Variants in IDE observed in about 807,000 individuals in gnomAD.
The protein encoded by IDE is insulin-degrading enzyme.
IDE carries 58 observed loss-of-function variants against 133.2 expected under a neutral mutation model. That is an observed-to-expected ratio of 0.44 (90% CI 0.35 to 0.54). IDE has a LOEUF of 0.54. Ranked by LOEUF, IDE falls within the 20% of genes least tolerant of loss-of-function variation. The probability of loss-of-function intolerance (pLI) is 0.00; values close to 1 mark genes in which losing one functional copy is unlikely to be tolerated. For synonymous variants in IDE, 396 were observed against 421.3 expected (o/e 0.94, Z 0.73); for missense variants, 981 against 1,234.0 (o/e 0.79, Z 3.07).
At chr10:92,497,792 G>C (rs1204504917) in intron 11 of IDE, 1 of 623,924 alleles carries the variant, frequency 1.6e-6, no homozygotes, top group Admixed American at 6.3e-5. Context: ...ATCCTGTAGA[G>C]GAAAAGTGCT....
At chr10:92,492,721 C>T (rs898690135) in intron 11 of IDE, among the ~76,000 whole-genome samples, 4 of 152,184 alleles carry the variant, frequency 2.6e-5, no homozygotes, top group African/African-American at 9.7e-5. Context: ...AAGCCTAGTA[C>T]TTGCAATCAA....
At chr10:92,529,895 C>T (rs1050490634) in intron 4 of IDE, among the ~76,000 whole-genome samples, 1 of 152,158 alleles carries the variant, frequency 6.6e-6, no homozygotes, top group Non-Finnish European at 1.5e-5. Context: ...AAAATAGCAG[C>T]ATTGTTTGTG....
intron 4 of IDE, among the ~76,000 whole-genome samples, chr10:92,526,322 A>G (rs1311645378): frequency 6.6e-6 from 1 of 152,144 alleles, no homozygotes; most frequent in Non-Finnish European, 1.5e-5. Context: ...TACAGATTCA[A>G]TGCAACCCCT....
intron 15 of IDE, among the ~76,000 whole-genome samples, chr10:92,478,219 T>A (rs1846387664): frequency 6.6e-6 from 1 of 152,208 alleles, no homozygotes; most frequent in Non-Finnish European, 1.5e-5. Context: ...AAATAAGTTT[T>A]AAATTAAAAT....
intron 1 of IDE, among the ~76,000 whole-genome samples, chr10:92,569,180 G>T (rs1471989205): frequency 6.6e-6 from 1 of 152,244 alleles, no homozygotes; most frequent in East Asian, 1.9e-4. Context: ...AATTGGGAAT[G>T]AATAGGTCAT....
intron 1 of IDE, among the ~76,000 whole-genome samples, chr10:92,546,187 A>T (rs977087634): frequency 6.6e-6 from 1 of 152,220 alleles, no homozygotes; most frequent in African/African-American, 2.4e-5. Flanking sequence ...AAAGCAGAAG[A>T]GCAAGTAAAA....
intron 11 of IDE, among the ~76,000 whole-genome samples, chr10:92,492,104 C>T (rs1196270060): frequency 2.0e-5 from 3 of 151,538 alleles, no homozygotes; most frequent in East Asian, 3.9e-4. Context: ...ACTAAAAATA[C>T]AAAAAATTAG....
intron 11 of IDE, among the ~76,000 whole-genome samples, chr10:92,490,909 A>G (rs1847303543): frequency 6.6e-6 from 1 of 152,230 alleles, no homozygotes; most frequent in African/African-American, 2.4e-5. Flanking sequence ...TAACAAGGTC[A>G]GTTAAAAACA....
chr10:92,522,767 G>A (rs752765294), intron 4 of IDE, among the ~76,000 whole-genome samples: 2 of 152,166 alleles, frequency 1.3e-5, no homozygotes, highest in Non-Finnish European at 2.9e-5. Context: ...ATCTACTCAT[G>A]TAAGATGGAA....
In IDE at chr10:92,570,998, T is replaced by A. The variant is rs1843755777; in HGVS notation, c.98+2924A>T. On this transcript the variant is annotated intron_variant, in intron 1 of 24. Coordinates refer to ENST00000265986, the MANE Select transcript of IDE (RefSeq NM_004969.4). ...TCCCCAACCCTAACTTCTTTTTTTT[T>A]AAGACACAGTCTCGCTCAGTCACCC... is the stretch of plus-strand genomic sequence containing the variant. Among the ~76,000 whole-genome samples, 3 of 151,538 alleles carry A rather than the reference T, an allele frequency of 2.0e-5. No homozygotes were observed. The South Asian group carries it at 6.3e-4, about 32-fold the overall frequency.
chr10:92,533,947 C>T (rs1449322528), intron 3 of IDE, among the ~76,000 whole-genome samples: 3 of 151,914 alleles, frequency 2.0e-5, no homozygotes, highest in Non-Finnish European at 4.4e-5. Flanking sequence ...TGCTTGAACC[C>T]GGAAGGCGAA....
chr10:92,505,611 G>A (rs1195310742), intron 10 of IDE, among the ~76,000 whole-genome samples: 1 of 152,140 alleles, frequency 6.6e-6, no homozygotes, highest in African/African-American at 2.4e-5. Flanking sequence ...ATATTGTAAT[G>A]TTAGTGAGAG....
At chr10:92,510,724 A>ATC (rs1848552796) in intron 5 of IDE, among the ~76,000 whole-genome samples, 1 of 151,456 alleles carries the variant, frequency 6.6e-6, no homozygotes, top group African/African-American at 2.4e-5. Context: ...TATCACATAC[A>ATC]TCTCACATGT....
At chr10:92,461,149 C>T (rs752730002) in intron 22 of IDE, 42 bp downstream of exon 22, 79 of 986,186 alleles carry the variant, frequency 8.0e-5, no homozygotes, top group Non-Finnish European at 1.2e-4. Context: ...CCCTATAATA[C>T]TTTCATATCA....
chr10:92,510,727 T>G (rs907443897), intron 5 of IDE, among the ~76,000 whole-genome samples: 47 of 151,394 alleles, frequency 3.1e-4, no homozygotes, highest in African/African-American at 1.1e-3. Flanking sequence ...CACATACATC[T>G]CACATGTATG....
At position 92,453,331 on chromosome 10, in the gene IDE, A is replaced by G. The variant is rs988180430; in HGVS notation, c.*1113T>C. The G allele has an allele frequency of 1.3e-5, 2 of 152,164 alleles. No individual in the cohort carries two copies. The highest frequency in any genetic ancestry group is 2.9e-5 in the Non-Finnish European group (2 of 68,010). 9.4% of individuals were successfully genotyped at this position (152,164 alleles called of 1,614,324 possible). A position where few individuals can be genotyped will look rare whatever the true frequency, so the allele number is the denominator to read the frequency against. ...TCTACTCCAGTCATCATCTGTGTTT[A>G]TATGTTTATATTTATATATTCAAAA... On this transcript the variant is annotated 3_prime_UTR_variant, in exon 25 of 25. Transcript: ENST00000265986.
At chr10:92,487,359 A>C (rs1383695524) in intron 12 of IDE, 41 bp from the exon 13 acceptor site, 1 of 1,568,492 alleles carries the variant, frequency 6.4e-7, no homozygotes, top group Non-Finnish European at 8.7e-7. Flanking sequence ...TAAGAGTCTG[A>C]TTTAAGAGTT....
chr10:92,477,240 C>T (rs1846314696), intron 15 of IDE, among the ~76,000 whole-genome samples: 1 of 152,102 alleles, frequency 6.6e-6, no homozygotes, highest in East Asian at 1.9e-4. Flanking sequence ...GCAACTTCTG[C>T]TCCGCAGGCT....
At chr10:92,521,498 G>C (rs1159486506) in intron 4 of IDE, among the ~76,000 whole-genome samples, 2 of 151,890 alleles carry the variant, frequency 1.3e-5, no homozygotes, top group Non-Finnish European at 2.9e-5. Flanking sequence ...AGGAGTAGAG[G>C]AAGAGATGAA....
Sources: allele counts gnomAD v4.1 joint callset (sites outside exome capture counted in the v4.1 genomes callset), GRCh38; gene constraint gnomAD v4.1.1; transcripts MANE v1.5; gene names NCBI Gene and HGNC (gene_info 2026-07-23, HGNC 2026-07-21).